Variants in TGFBR2 observed in about 807,000 individuals in gnomAD.
TGFBR2 encodes the protein TGF-beta receptor type-2.
Under a neutral mutation model 49.0 loss-of-function variants are expected in TGFBR2, and 18 were observed. That is an observed-to-expected ratio of 0.37 (90% CI 0.25 to 0.54). TGFBR2 has a LOEUF of 0.54. Ranked by LOEUF, TGFBR2 falls within the 20% of genes least tolerant of loss-of-function variation. TGFBR2 has a pLI of 0.85. For missense variants in TGFBR2, 525 were observed against 722.6 expected (o/e 0.73, Z 3.13); for synonymous variants, 282 against 275.9 (o/e 1.02, Z -0.22).
At chr3:30,675,665 G>A (rs183811223) in intron 5 of TGFBR2, among the ~76,000 whole-genome samples, 3 of 152,278 alleles carry the variant, frequency 2.0e-5, no homozygotes, top group Admixed American at 6.5e-5. Context: ...GATTACAGGC[G>A]TGAGCCACTG....
At chr3:30,620,543 T>A (rs1419937963) in intron 1 of TGFBR2, among the ~76,000 whole-genome samples, 1 of 152,122 alleles carries the variant, frequency 6.6e-6, no homozygotes, top group South Asian at 2.1e-4. Flanking sequence ...GTCTGCAGTC[T>A]TTAGTTTCTG....
intron 1 of TGFBR2, among the ~76,000 whole-genome samples, chr3:30,639,887 T>C (rs1398620764): frequency 6.6e-6 from 1 of 152,262 alleles, no homozygotes; most frequent in African/African-American, 2.4e-5. Flanking sequence ...AGATTTTACC[T>C]AATGGTTCAG....
At chr3:30,649,682 C>T (rs537871657) in intron 2 of TGFBR2, among the ~76,000 whole-genome samples, 5 of 152,126 alleles carry the variant, frequency 3.3e-5, no homozygotes, top group Admixed American at 2.0e-4. Flanking sequence ...TCTTTATCTG[C>T]GATGTTTCTT....
chr3:30,663,656 T>C (rs1036961360), intron 3 of TGFBR2, among the ~76,000 whole-genome samples: 23 of 152,176 alleles, frequency 1.5e-4, no homozygotes, highest in African/African-American at 5.5e-4. Flanking sequence ...AAGCCAGGAA[T>C]AGTGATTACT....
intron 3 of TGFBR2, among the ~76,000 whole-genome samples, chr3:30,651,116 G>C (rs1559459210): frequency 6.6e-6 from 1 of 152,190 alleles, no homozygotes; most frequent in Admixed American, 6.5e-5. Flanking sequence ...TACTCAGCTT[G>C]AAAGGAAGGC....
intron 1 of TGFBR2, among the ~76,000 whole-genome samples, chr3:30,617,204 T>C (rs1001806084): frequency 3.3e-5 from 5 of 152,242 alleles, no homozygotes; most frequent in African/African-American, 1.2e-4. Flanking sequence ...TTGGCAGTTT[T>C]CAGACTGCTG....
chr3:30,648,826 T>C (rs1340289400), intron 2 of TGFBR2, among the ~76,000 whole-genome samples: 2 of 152,150 alleles, frequency 1.3e-5, no homozygotes, highest in Non-Finnish European at 2.9e-5. Context: ...GCCTGGATTG[T>C]CCTAACCCAT....
chr3:30,628,291 A>G (rs34767766), intron 1 of TGFBR2, among the ~76,000 whole-genome samples: 6,573 of 152,096 alleles, frequency 0.043, 192 homozygotes, highest in South Asian at 0.12. Flanking sequence ...AAAGCGGCCA[A>G]TAGAAATCTC....
At chr3:30,670,098 C>T (rs1489492623) in intron 3 of TGFBR2, among the ~76,000 whole-genome samples, 5 of 152,106 alleles carry the variant, frequency 3.3e-5, no homozygotes, top group African/African-American at 9.7e-5. Flanking sequence ...CCTTTCTATT[C>T]CGCAGGTGCA....
chr3:30,643,748 A>T (rs1026652303), intron 1 of TGFBR2, among the ~76,000 whole-genome samples: 7 of 152,228 alleles, frequency 4.6e-5, no homozygotes, highest in African/African-American at 1.7e-4. Flanking sequence ...AGAAAGTTTC[A>T]TGGAGCTTAC....
intron 1 of TGFBR2, among the ~76,000 whole-genome samples, chr3:30,627,609 A>G (rs1698357113): frequency 6.6e-6 from 1 of 151,774 alleles, no homozygotes; most frequent in Admixed American, 6.6e-5. Flanking sequence ...TCCACTGTTC[A>G]ATAGAACTTT....
chr3:30,674,365 A>T, intron 5 of TGFBR2, 119 bp downstream of exon 5: 2 of 1,338,762 alleles, frequency 1.5e-6, no homozygotes, highest in Non-Finnish European at 2.1e-6. Flanking sequence ...TTGAGATCTG[A>T]TATTATACAA....
At chr3:30,615,026 T>C (rs1698105407) in intron 1 of TGFBR2, among the ~76,000 whole-genome samples, 1 of 152,210 alleles carries the variant, frequency 6.6e-6, no homozygotes, top group Non-Finnish European at 1.5e-5. Context: ...ATACACCAGG[T>C]AGTCAAACAT....
intron 2 of TGFBR2, 42 bp from the exon 3 acceptor site, chr3:30,650,228 C>G (rs1698853485): frequency 6.3e-7 from 1 of 1,580,834 alleles, no homozygotes. Flanking sequence ...CTCTTTCTCT[C>G]TCTCCCTCTC....
intron 1 of TGFBR2, among the ~76,000 whole-genome samples, chr3:30,633,021 T>G (rs1698465415): frequency 6.6e-6 from 1 of 152,232 alleles, no homozygotes; most frequent in Non-Finnish European, 1.5e-5. Context: ...CTCCTAGTAG[T>G]CACACCTGTG....
At position 30,606,836 on chromosome 3, in the gene TGFBR2, C is replaced by G. The variant is rs545270041; in HGVS notation, c.-48C>G. On this transcript the variant is annotated 5_prime_UTR_variant, in exon 1 of 7. Coordinates refer to ENST00000295754, the MANE Select transcript of TGFBR2 (RefSeq NM_003242.6). ...CGCAGCCAGGGGTCCGGGAAGGCGCCGTCCGCTGCGCTGGGGGCTCGGTCT... is the reference window on the plus strand; with the variant it reads ...CGCAGCCAGGGGTCCGGGAAGGCGCGGTCCGCTGCGCTGGGGGCTCGGTCT... 6 of 1,300,050 alleles carry G rather than the reference C, an allele frequency of 4.6e-6. No homozygotes were observed. The highest frequency in any genetic ancestry group is 6.2e-5 in the East Asian group (2 of 32,108). 80.5% of individuals were successfully genotyped at this position (1,300,050 alleles called of 1,614,324 possible).
chr3:30,628,528 GTTTTTTT>G (rs569832149), intron 1 of TGFBR2, among the ~76,000 whole-genome samples: 1,215 of 80,214 alleles, frequency 0.015, 14 homozygotes, highest in South Asian at 0.069. Context: ...AAGCCTGTGG[GTTTTTTT>G]TTTTTTTTTT....
intron 1 of TGFBR2, among the ~76,000 whole-genome samples, chr3:30,625,348 G>A (rs527458404): frequency 6.6e-6 from 1 of 152,324 alleles, no homozygotes; most frequent in African/African-American, 2.4e-5. Context: ...ATCCACAACT[G>A]TTAATTCTGA....
At chr3:30,648,837 A>G (rs1299110494) in intron 2 of TGFBR2, among the ~76,000 whole-genome samples, 1 of 152,090 alleles carries the variant, frequency 6.6e-6, no homozygotes, top group African/African-American at 2.4e-5. Context: ...CCTAACCCAT[A>G]CCCTTGCCCT....
Sources: gnomAD v4.1 joint callset for allele counts (sites outside exome capture counted in the v4.1 genomes callset) on GRCh38, gnomAD v4.1.1 for gene constraint, MANE v1.5 for transcripts, NCBI Gene and HGNC (gene_info 2026-07-23, HGNC 2026-07-21) for gene names.